Variants in DOK5 observed in about 807,000 individuals in gnomAD.
DOK5 encodes the protein downstream of tyrosine kinase 5.
A neutral mutation model predicts 43.3 loss-of-function variants in DOK5; 27 were observed. The ratio of observed to expected loss-of-function variants is 0.62; its 90% CI spans 0.46 to 0.86. The LOEUF is 0.86. Among genes scored for constraint, DOK5 ranks in the 40% least tolerant of loss-of-function variants. The probability of loss-of-function intolerance (pLI) is 0.00; values close to 1 mark genes in which losing one functional copy is unlikely to be tolerated. For synonymous variants in DOK5, 146 were observed against 140.1 expected (o/e 1.04, Z -0.30); for missense variants, 373 against 392.9 (o/e 0.95, Z 0.43).
At chr20:54,508,661 A>G (rs907439121) in intron 1 of DOK5, among the ~76,000 whole-genome samples, 5 of 152,086 alleles carry the variant, frequency 3.3e-5, no homozygotes, top group Non-Finnish European at 7.4e-5. Flanking sequence ...GCTCACTGCA[A>G]CCAGTGCCTA....
intron 1 of DOK5, among the ~76,000 whole-genome samples, chr20:54,506,637 C>T (rs1982815629): frequency 6.6e-6 from 1 of 152,140 alleles, no homozygotes; most frequent in South Asian, 2.1e-4. Flanking sequence ...TTTTTACAAA[C>T]TTCTTGTAGA....
intron 1 of DOK5, among the ~76,000 whole-genome samples, chr20:54,553,910 A>AAAAAAT (rs1352326253): frequency 2.0e-5 from 3 of 151,670 alleles, no homozygotes; most frequent in Admixed American, 6.6e-5. Flanking sequence ...AAAAAAAAAA[A>AAAAAAT]AAAAAATTAT....
intron 6 of DOK5, among the ~76,000 whole-genome samples, chr20:54,619,497 G>A (rs11696904): frequency 0.23 from 34,456 of 152,090 alleles, 4,701 homozygotes; most frequent in African/African-American, 0.36. Flanking sequence ...CCTTCAAGGC[G>A]AGAGCCTCAA....
chr20:54,602,761 A>G (rs566147296), intron 5 of DOK5, among the ~76,000 whole-genome samples: 175 of 151,912 alleles, frequency 1.2e-3, no homozygotes, highest in African/African-American at 4.1e-3. Flanking sequence ...TGCAATCTCC[A>G]CCTCCCGGGT....
intron 6 of DOK5, among the ~76,000 whole-genome samples, chr20:54,628,943 A>T (rs970196831): frequency 6.6e-6 from 1 of 152,150 alleles, no homozygotes; most frequent in Non-Finnish European, 1.5e-5. Flanking sequence ...TTTTTAAGGG[A>T]GACCATTTGG....
chr20:54,497,735 T>A (rs147537786), intron 1 of DOK5, among the ~76,000 whole-genome samples: 11 of 152,334 alleles, frequency 7.2e-5, no homozygotes, highest in African/African-American at 2.6e-4. Flanking sequence ...GTAACTATGA[T>A]AAAGGAACTG....
At chr20:54,586,379 C>A (rs2146764235) in intron 2 of DOK5, among the ~76,000 whole-genome samples, 1 of 152,104 alleles carries the variant, frequency 6.6e-6, no homozygotes, top group African/African-American at 2.4e-5. Context: ...GTGAAATTTC[C>A]CTGGAGAAAA....
chr20:54,477,673 A>T (rs1449523958), intron 1 of DOK5, among the ~76,000 whole-genome samples: 1 of 151,982 alleles, frequency 6.6e-6, no homozygotes, highest in Non-Finnish European at 1.5e-5. Context: ...CCAGCATTCT[A>T]ATTTAGCTTT....
intron 6 of DOK5, among the ~76,000 whole-genome samples, chr20:54,633,959 C>T (rs919156675): frequency 2.0e-5 from 3 of 152,156 alleles, no homozygotes; most frequent in Admixed American, 6.5e-5. Flanking sequence ...AGTTGGATTC[C>T]AGAGAAGGAC....
At chr20:54,632,245 G>C (rs1978606206) in intron 6 of DOK5, among the ~76,000 whole-genome samples, 1 of 152,166 alleles carries the variant, frequency 6.6e-6, no homozygotes, top group South Asian at 2.1e-4. Flanking sequence ...CTGAAACCAG[G>C]TGATTCAATG....
intron 5 of DOK5, among the ~76,000 whole-genome samples, chr20:54,594,243 T>G (rs1318411512): frequency 3.3e-5 from 5 of 151,822 alleles, no homozygotes; most frequent in Non-Finnish European, 7.4e-5. Flanking sequence ...GAAAAAAAAA[T>G]TAGCCAGGCA....
At chr20:54,528,553 T>G (rs1983656558) in intron 1 of DOK5, among the ~76,000 whole-genome samples, 1 of 152,268 alleles carries the variant, frequency 6.6e-6, no homozygotes, top group Middle Eastern at 3.4e-3. Flanking sequence ...ACTAATTTTG[T>G]CCCTTCTCAT....
intron 1 of DOK5, among the ~76,000 whole-genome samples, chr20:54,523,698 T>C (rs1187926489): frequency 2.0e-5 from 3 of 151,974 alleles, no homozygotes; most frequent in Non-Finnish European, 4.4e-5. Flanking sequence ...CTCCATCTCC[T>C]GGGTTCAAGC....
intron 6 of DOK5, among the ~76,000 whole-genome samples, chr20:54,622,228 A>G (rs1451014818): frequency 6.6e-6 from 1 of 152,140 alleles, no homozygotes; most frequent in Non-Finnish European, 1.5e-5. Context: ...AAAATAAAAA[A>G]AAGAGCTAAA....
chr20:54,556,129 A>C (rs1259719780), intron 2 of DOK5, among the ~76,000 whole-genome samples: 3 of 152,238 alleles, frequency 2.0e-5, no homozygotes, highest in African/African-American at 7.2e-5. Flanking sequence ...AAGAATAAGC[A>C]CAAAACAAGC....
At chr20:54,501,254 T>A (rs1982588102) in intron 1 of DOK5, among the ~76,000 whole-genome samples, 1 of 150,986 alleles carries the variant, frequency 6.6e-6, no homozygotes, top group African/African-American at 2.4e-5. Context: ...GATCAGGAGG[T>A]CAGGAGATCG....
intron 1 of DOK5, among the ~76,000 whole-genome samples, chr20:54,526,140 CTT>C (rs11086457): frequency 3.3e-4 from 46 of 140,028 alleles, no homozygotes; most frequent in African/African-American, 7.4e-4. Context: ...CAAGATTTTT[CTT>C]TTTTTTTTTT....
chr20:54,585,924 C>G (rs113895816), intron 2 of DOK5, among the ~76,000 whole-genome samples: 2,693 of 152,222 alleles, frequency 0.018, 53 homozygotes, highest in African/African-American at 0.044. Flanking sequence ...GAGTTTGAGA[C>G]CAGCCTGGCC....
chr20:54,566,098 C>T (rs1818660675), intron 2 of DOK5, among the ~76,000 whole-genome samples: 3 of 150,724 alleles, frequency 2.0e-5, no homozygotes, highest in African/African-American at 4.9e-5. Flanking sequence ...TCCTCCAGTC[C>T]TCCCACCCCA....
Sources: allele counts gnomAD v4.1 joint callset (sites outside exome capture counted in the v4.1 genomes callset), GRCh38; gene constraint gnomAD v4.1.1; transcripts MANE v1.5; gene names NCBI Gene and HGNC (gene_info 2026-07-23, HGNC 2026-07-21).